The following ZCCHC7 variants were observed in gnomAD, a reference collection of about 807,000 sequenced individuals.
The protein encoded by ZCCHC7 is zinc finger CCHC-type containing 7, also known as zinc finger CCHC domain-containing protein 7.
Under a neutral mutation model 52.0 loss-of-function variants are expected in ZCCHC7, and 35 were observed. That is an observed-to-expected ratio of 0.67 (90% CI 0.51 to 0.89). ZCCHC7 has a LOEUF of 0.89. Ranked by LOEUF, ZCCHC7 falls within the 40% of genes least tolerant of loss-of-function variation. The pLI, the probability that ZCCHC7 is intolerant of heterozygous loss-of-function variation, is 0.00. For missense variants in ZCCHC7, 574 were observed against 649.1 expected (o/e 0.88, Z 1.26); for synonymous variants, 217 against 221.5 (o/e 0.98, Z 0.18).
At chr9:37,178,776 G>A (rs1458405368) in intron 2 of ZCCHC7, among the ~76,000 whole-genome samples, 1 of 152,168 alleles carries the variant, frequency 6.6e-6, no homozygotes, top group Non-Finnish European at 1.5e-5. Flanking sequence ...GAGTTTTGTG[G>A]ATATGTCAGG....
intron 2 of ZCCHC7, among the ~76,000 whole-genome samples, chr9:37,216,532 G>T (rs1183750537): frequency 6.6e-6 from 1 of 152,092 alleles, no homozygotes; most frequent in Non-Finnish European, 1.5e-5. Context: ...AAATTAGCTG[G>T]GCATGGTGGC....
chr9:37,199,775 G>A (rs866200492), intron 2 of ZCCHC7, among the ~76,000 whole-genome samples: 3 of 149,364 alleles, frequency 2.0e-5, no homozygotes, highest in Admixed American at 6.7e-5. Flanking sequence ...GCGCGATCTC[G>A]GCTCACTGCA....
intron 2 of ZCCHC7, among the ~76,000 whole-genome samples, chr9:37,130,059 C>T (rs1842709185): frequency 2.0e-5 from 3 of 151,884 alleles, no homozygotes; most frequent in South Asian, 2.1e-4. Context: ...GCCAACATGG[C>T]GAAACCCCAT....
chr9:37,224,443 A>G (rs551691758), intron 2 of ZCCHC7, among the ~76,000 whole-genome samples: 1 of 152,334 alleles, frequency 6.6e-6, no homozygotes, highest in African/African-American at 2.4e-5. Flanking sequence ...TCTAGCCATG[A>G]CAGAGTCCCA....
Position 37,221,035 on chromosome 9 carries a change from C to T in ZCCHC7, c.611-81153C>T, listed in dbSNP as rs114723488. On this transcript the variant is annotated intron_variant, in intron 2 of 8. Coordinates refer to ENST00000336755, the MANE Select transcript of ZCCHC7 (RefSeq NM_032226.3). ...AACCTCCATGTGTAAAAGAGACAAA[C>T]GCGGCGTTGCCTTAATCAACTTGGG... Among the ~76,000 whole-genome samples the T allele has an allele frequency of 2.5e-3, 378 of 152,302 alleles. 1 individual carries two copies. Among genetic ancestry groups the T allele is most frequent in the African/African-American group, 8.3e-3 (344 of 41,558 alleles).
At chr9:37,304,931 T>A (rs148231957) in intron 4 of ZCCHC7, among the ~76,000 whole-genome samples, 437 of 152,312 alleles carry the variant, frequency 2.9e-3, no homozygotes, top group Middle Eastern at 0.014. Context: ...AACCTTGTAC[T>A]TCATAAGATA....
At chr9:37,218,948 T>G (rs1023170285) in intron 2 of ZCCHC7, among the ~76,000 whole-genome samples, 1 of 148,532 alleles carries the variant, frequency 6.7e-6, no homozygotes, top group Non-Finnish European at 1.5e-5. Context: ...CAACATTTTT[T>G]TTTTTTTTTT....
chr9:37,335,636 T>C (rs541483956), intron 6 of ZCCHC7, among the ~76,000 whole-genome samples: 4 of 152,242 alleles, frequency 2.6e-5, no homozygotes, highest in African/African-American at 9.6e-5. Context: ...CGTCCCAAAC[T>C]CAGGTTATTA....
At chr9:37,201,055 T>C (rs1385934518) in intron 2 of ZCCHC7, among the ~76,000 whole-genome samples, 1 of 152,228 alleles carries the variant, frequency 6.6e-6, no homozygotes, top group East Asian at 1.9e-4. Flanking sequence ...AAGGGTATCA[T>C]TGCATGCTCT....
intron 6 of ZCCHC7, 137 bp downstream of exon 6, chr9:37,327,971 C>A: frequency 1.1e-6 from 1 of 871,426 alleles, no homozygotes; most frequent in Non-Finnish European, 1.8e-6. Context: ...ACGGAGAAAG[C>A]AATAATACAC....
At chr9:37,196,477 G>A (rs927316336) in intron 2 of ZCCHC7, among the ~76,000 whole-genome samples, 1 of 152,094 alleles carries the variant, frequency 6.6e-6, no homozygotes, top group Non-Finnish European at 1.5e-5. Flanking sequence ...AAGGAGACCT[G>A]ATGCAAAGAA....
In ZCCHC7 at chr9:37,222,328, A is replaced by AGTGTGTGT. The variant is rs74182938; in HGVS notation, c.611-79817_611-79810dup. Among the ~76,000 whole-genome samples the AGTGTGTGT allele has an allele frequency of 4.3e-3, 567 of 133,086 alleles. 2 individuals are homozygous for AGTGTGTGT. Among genetic ancestry groups the AGTGTGTGT allele is most frequent in the East Asian group, 0.019 (86 of 4,504 alleles). The allele number at this position is 133,086 out of a possible 152,430, so 87.3% of individuals were successfully genotyped here. On this transcript the variant is annotated intron_variant, in intron 2 of 8. Coordinates refer to ENST00000336755, the MANE Select transcript of ZCCHC7 (RefSeq NM_032226.3). ...AGGGATAAACAGACCAGAATAACAGAGTGTGTGTGTGTGTGTGTGTGTGTG... is the reference window on the plus strand; with the variant it reads ...AGGGATAAACAGACCAGAATAACAGAGTGTGTGTGTGTGTGTGTGTGTGTGTGTGTGTG...
intron 5 of ZCCHC7, among the ~76,000 whole-genome samples, chr9:37,309,785 G>A (rs981724506): frequency 6.6e-6 from 1 of 152,124 alleles, no homozygotes. Flanking sequence ...AGCTGAGTGT[G>A]GTGGTGCACA....
At chr9:37,292,013 A>C (rs2099138205) in intron 2 of ZCCHC7, among the ~76,000 whole-genome samples, 1 of 152,194 alleles carries the variant, frequency 6.6e-6, no homozygotes, top group African/African-American at 2.4e-5. Flanking sequence ...GTTATTAAGC[A>C]AAGAAGAAAT....
At chr9:37,247,590 C>T (rs1278295781) in intron 2 of ZCCHC7, among the ~76,000 whole-genome samples, 1 of 152,050 alleles carries the variant, frequency 6.6e-6, no homozygotes, top group Non-Finnish European at 1.5e-5. Context: ...GGCTTCAAAG[C>T]CATTGGTCCA....
rs752603736 is a variant in ZCCHC7 at position 37,120,593 on chromosome 9, C to G, written c.-52C>G. Reference sequence around the variant, plus strand: ...CCGTCCCTCTACGCGTTTTGGTTCCCGGTTGGTGCTTCCTGTTCGCAGCTG... The same window carrying G: ...CCGTCCCTCTACGCGTTTTGGTTCCGGGTTGGTGCTTCCTGTTCGCAGCTG... On this transcript the variant is annotated 5_prime_UTR_variant, in exon 1 of 9. Coordinates refer to ENST00000336755, the MANE Select transcript of ZCCHC7 (RefSeq NM_032226.3). 7 of 398,934 alleles carry G rather than the reference C, an allele frequency of 1.8e-5. No individual in the cohort carries two copies. The highest frequency in any genetic ancestry group is 3.6e-5 in the East Asian group (1 of 28,052). The allele number at this position is 398,934 out of a possible 1,614,324, so 24.7% of individuals were successfully genotyped here.
At chr9:37,141,557 A>G (rs911100647) in intron 2 of ZCCHC7, among the ~76,000 whole-genome samples, 2 of 151,934 alleles carry the variant, frequency 1.3e-5, no homozygotes, top group African/African-American at 2.4e-5. Flanking sequence ...GAAAATTTGT[A>G]TTCATGGTCA....
In ZCCHC7 at chr9:37,229,510, C is replaced by T. The variant is rs1412186917; in HGVS notation, c.611-72678C>T. On this transcript the variant is annotated intron_variant, in intron 2 of 8. Transcript: ENST00000336755. The stretch of plus-strand genomic sequence containing the variant: ...GTACGGCATGTTATTGTACTAAATA[C>T]TGTAGGAACTTGTAACACAGTGGTA... Among the ~76,000 whole-genome samples the T allele has an allele frequency of 2.0e-5, 3 of 152,112 alleles. 1 individual carries two copies. The highest frequency in any genetic ancestry group is 4.4e-5 in the Non-Finnish European group (3 of 68,022).
chr9:37,209,582 G>T (rs1356543471), intron 2 of ZCCHC7, among the ~76,000 whole-genome samples: 1 of 151,408 alleles, frequency 6.6e-6, no homozygotes, highest in Non-Finnish European at 1.5e-5. Context: ...GTATACACAT[G>T]TGTGTATATA....
Sources: gnomAD v4.1 joint callset for allele counts (sites outside exome capture counted in the v4.1 genomes callset) on GRCh38, gnomAD v4.1.1 for gene constraint, MANE v1.5 for transcripts, NCBI Gene and HGNC (gene_info 2026-07-23, HGNC 2026-07-21) for gene names.